Variants in CLVS1 observed in about 807,000 individuals in gnomAD.
The protein encoded by CLVS1 is clavesin-1.
In CLVS1, 10 loss-of-function variants were observed where a neutral mutation model predicts 33.1. The observed-to-expected ratio is 0.30, with a 90% CI of 0.19 to 0.51. CLVS1 has a LOEUF of 0.51. Among genes scored for constraint, CLVS1 ranks in the 20% least tolerant of loss-of-function variants. The pLI is 0.97. For missense variants in CLVS1, 343 were observed against 433.4 expected, an observed-to-expected ratio of 0.79 and a Z score of 1.85; for synonymous variants, 163 against 166.1, an observed-to-expected ratio of 0.98 and a Z score of 0.14.
In CLVS1 at chr8:61,080,093, C is replaced by T. The variant is rs1024885167; in HGVS notation, c.-243+22863C>T. On this transcript the variant is annotated intron_variant, in intron 1 of 2. Coordinates refer to the CLVS1 transcript ENST00000522621. Reference sequence around the variant, plus strand: ...TTTATCTATGGAAAGTAGCAAATATCGTGAATATTCTTCTTAATATAGTAT... The same window carrying T: ...TTTATCTATGGAAAGTAGCAAATATTGTGAATATTCTTCTTAATATAGTAT... Among the ~76,000 whole-genome samples the T allele has an allele frequency of 4.6e-5, 7 of 152,206 alleles. No homozygotes were observed. In the East Asian group the frequency reaches 5.8e-4, roughly 13 times the overall value.
At chr8:61,085,645 C>A (rs1183275699) in intron 1 of CLVS1, among the ~76,000 whole-genome samples, 1 of 151,046 alleles carries the variant, frequency 6.6e-6, no homozygotes, top group African/African-American at 2.4e-5. Context: ...AATCCCAGCA[C>A]TTTCGGAGGC....
intron 1 of CLVS1, among the ~76,000 whole-genome samples, chr8:61,067,502 A>G (rs949071345): frequency 6.7e-6 from 1 of 149,758 alleles, no homozygotes; most frequent in Non-Finnish European, 1.5e-5. Context: ...AATAATATAT[A>G]ATTATAAGTA....
chr8:61,417,573 C>A, intron 3 of CLVS1, among the ~76,000 whole-genome samples: 1 of 152,112 alleles, frequency 6.6e-6, no homozygotes, highest in African/African-American at 2.4e-5. Context: ...TTTCAAAGAG[C>A]CTTCCATGGA....
At chr8:61,118,980 T>C (rs1416585925) in intron 1 of CLVS1, among the ~76,000 whole-genome samples, 1 of 152,140 alleles carries the variant, frequency 6.6e-6, no homozygotes, top group Non-Finnish European at 1.5e-5. Context: ...GGTGTTAAAG[T>C]CTCCCATTAT....
At position 61,125,541 on chromosome 8, in the gene CLVS1, C is replaced by T. The variant is rs974799854; in HGVS notation, c.-242-6229C>T. Reference sequence around the variant, plus strand: ...AAAAAGACATTGGTGATTCCCAACACCTTTAAAACCCAAGATCAAAGGAAC... The same window carrying T: ...AAAAAGACATTGGTGATTCCCAACATCTTTAAAACCCAAGATCAAAGGAAC... On this transcript the variant is annotated intron_variant, in intron 1 of 2. Coordinates refer to the CLVS1 transcript ENST00000522621. 2.6e-5 allele frequency among the ~76,000 whole-genome samples: 4 copies of T among 152,350 alleles called. No individual in the cohort carries two copies. In the Middle Eastern group the frequency reaches 0.01, roughly 389 times the overall value.
rs1222012324 is a variant in CLVS1, at chr8:61,077,479, A to G, written c.-243+20249A>G. 8.7e-5 allele frequency among the ~76,000 whole-genome samples: 11 copies of G among 126,794 alleles called. No individual in the cohort carries two copies. The East Asian group carries it at 2.6e-3, about 30-fold the overall frequency. 83.2% of individuals were successfully genotyped at this position (126,794 alleles called of 152,430 possible). A position where few individuals can be genotyped will look rare whatever the true frequency, so the allele number is the denominator to read the frequency against. ...TATTATTATTATTATTATTATTATTATTATTATTATTATTGAGACGGAGTC... is the reference window on the plus strand; with the variant it reads ...TATTATTATTATTATTATTATTATTGTTATTATTATTATTGAGACGGAGTC... On this transcript the variant is annotated intron_variant, in intron 1 of 2. Coordinates refer to the CLVS1 transcript ENST00000522621.
intron 4 of CLVS1, 79 bp downstream of exon 4, chr8:61,454,330 T>A: frequency 1.0e-6 from 1 of 998,224 alleles, no homozygotes; most frequent in Non-Finnish European, 1.6e-6. Flanking sequence ...CCTCTCTCCT[T>A]TCCCCCCTTT....
chr8:60,986,414 G>C, the CLVS1 span, among the ~76,000 whole-genome samples: 3 of 152,186 alleles, frequency 2.0e-5, no homozygotes, highest in Admixed American at 6.5e-5. Context: ...GAACAGCCAG[G>C]GTCAGAGGCC....
chr8:61,248,314 T>C (rs1808860638), intron 2 of CLVS1, among the ~76,000 whole-genome samples: 1 of 152,190 alleles, frequency 6.6e-6, no homozygotes, highest in African/African-American at 2.4e-5. Flanking sequence ...TATTTTCTAG[T>C]TCTGTGAAGA....
At chr8:61,036,711 CTA>C in the CLVS1 span, among the ~76,000 whole-genome samples, 1 of 152,224 alleles carries the variant, frequency 6.6e-6, no homozygotes, top group East Asian at 1.9e-4. Flanking sequence ...ACGGATCCCT[CTA>C]TGTCTCAATT....
At chr8:61,459,901 C>T (rs1817311091) in intron 5 of CLVS1, among the ~76,000 whole-genome samples, 1 of 152,176 alleles carries the variant, frequency 6.6e-6, no homozygotes. Flanking sequence ...AGGCCTCTCT[C>T]CTTGGCTTGC....
intron 3 of CLVS1, among the ~76,000 whole-genome samples, chr8:61,435,373 G>A (rs531441754): frequency 1.3e-5 from 2 of 152,060 alleles, no homozygotes; most frequent in South Asian, 4.2e-4. Context: ...AAAGATTTTA[G>A]CCATTTGTAG....
chr8:61,091,058 C>T (rs1468655280), intron 1 of CLVS1, among the ~76,000 whole-genome samples: 1 of 152,186 alleles, frequency 6.6e-6, no homozygotes, highest in Non-Finnish European at 1.5e-5. Context: ...GCAAAAGGGA[C>T]TTTGCAGACG....
the CLVS1 span, among the ~76,000 whole-genome samples, chr8:60,996,559 G>A: frequency 1.3e-5 from 2 of 152,120 alleles, no homozygotes; most frequent in Non-Finnish European, 2.9e-5. Context: ...CTACCACCAG[G>A]CCCACCTTGG....
At chr8:61,266,594 C>T (rs1306206198) in intron 2 of CLVS1, among the ~76,000 whole-genome samples, 1 of 152,124 alleles carries the variant, frequency 6.6e-6, no homozygotes, top group Admixed American at 6.5e-5. Context: ...TATTTCTCTA[C>T]ACATGTTTTT....
chr8:61,452,125 T>C (rs1427117686), intron 3 of CLVS1, among the ~76,000 whole-genome samples: 6 of 152,172 alleles, frequency 3.9e-5, no homozygotes, highest in Admixed American at 3.3e-4. Flanking sequence ...AATTACAGAG[T>C]CTCAGCACTG....
intron 1 of CLVS1, among the ~76,000 whole-genome samples, chr8:61,114,236 A>G (rs1805678829): frequency 6.6e-6 from 1 of 152,274 alleles, no homozygotes; most frequent in Non-Finnish European, 1.5e-5. Flanking sequence ...GTGGCAGACT[A>G]TAGTTGCTTT....
At chr8:61,035,187 C>CTTTTTTTTTTTTTTTTTTTTTTTTTT in the CLVS1 span, among the ~76,000 whole-genome samples, 11 of 129,406 alleles carry the variant, frequency 8.5e-5, no homozygotes, top group East Asian at 2.2e-4. Flanking sequence ...TTTCTTTTTT[C>CTTTTTTTTTTTTTTTTTTTTTTTTTT]TTTTTTTTTT....
At position 61,458,559 on chromosome 8, in the gene CLVS1, C is replaced by A; in HGVS notation, c.977+17C>A. 1.3e-6 allele frequency: 2 copies of A among 1,499,464 alleles called. No individual in the cohort carries two copies. The highest frequency in any genetic ancestry group is 1.8e-6 in the Non-Finnish European group (2 of 1,109,728). The allele number at this position is 1,499,464 out of a possible 1,614,324, so 92.9% of individuals were successfully genotyped here. ...GATGAAAAGGTAAGGCCTGGGTTAT[C>A]AGAGCCCCCCCCCCAGTCAGAGGTC... On this transcript the variant is annotated intron_variant, in intron 5 of 5. Transcript: ENST00000325897.
Sources: allele counts gnomAD v4.1 joint callset (sites outside exome capture counted in the v4.1 genomes callset), GRCh38; gene constraint gnomAD v4.1.1; transcripts MANE v1.5; gene names NCBI Gene and HGNC (gene_info 2026-07-23, HGNC 2026-07-21).